Variants in MATCAP2 observed in about 807,000 individuals in gnomAD.
The protein encoded by MATCAP2 is putative tyrosine carboxypeptidase MATCAP2.
the MATCAP2 span, chr7:36,326,042 G>A: frequency 6.6e-6 from 1 of 151,834 alleles, no homozygotes. Flanking sequence ...TTTTTATAAA[G>A]GATGCAGTGG....
At chr7:36,334,535 C>CAAAAAAAAAAAAAAAA in the MATCAP2 span, among the ~76,000 whole-genome samples, 1 of 49,522 alleles carries the variant, frequency 2.0e-5, no homozygotes, top group Non-Finnish European at 3.3e-5. Context: ...GATCCCATCT[C>CAAAAAAAAAAAAAAAA]AAAAAAAAAA....
chr7:36,326,185 C>T, the MATCAP2 span: 1 of 151,924 alleles, frequency 6.6e-6, no homozygotes, highest in Admixed American at 6.6e-5. Context: ...TAAGGTGAAA[C>T]AATAATGTTA....
the MATCAP2 span, among the ~76,000 whole-genome samples, chr7:36,362,501 G>A: frequency 6.6e-6 from 1 of 152,170 alleles, no homozygotes; most frequent in African/African-American, 2.4e-5. Context: ...TGATGGTTGT[G>A]GTAAGAGTGA....
the MATCAP2 span, among the ~76,000 whole-genome samples, chr7:36,331,369 A>G: frequency 1.3e-5 from 2 of 152,168 alleles, no homozygotes; most frequent in African/African-American, 4.8e-5. Flanking sequence ...TTTTAAATAT[A>G]TGAGTCTTAG....
At chr7:36,371,488 G>A in the MATCAP2 span, among the ~76,000 whole-genome samples, 376 of 152,202 alleles carry the variant, frequency 2.5e-3, 2 homozygotes, top group African/African-American at 8.6e-3. Context: ...GTTGACAAAT[G>A]TTTATTTACT....
Sources: gnomAD v4.1 joint callset for allele counts (sites outside exome capture counted in the v4.1 genomes callset) on GRCh38, gnomAD v4.1.1 for gene constraint, MANE v1.5 for transcripts, NCBI Gene and HGNC (gene_info 2026-07-23, HGNC 2026-07-21) for gene names.